The following MNAT1 variants were observed in gnomAD, a reference collection of about 807,000 sequenced individuals.
The protein encoded by MNAT1 is MNAT1 component of CDK activating kinase.
In MNAT1, 43 loss-of-function variants were observed where a neutral mutation model predicts 42.0. The ratio of observed to expected loss-of-function variants is 1.02; its 90% CI spans 0.80 to 1.32. MNAT1 has a LOEUF of 1.32. Among genes scored for constraint, MNAT1 ranks in the 40% most tolerant of loss-of-function variants. The probability of loss-of-function intolerance (pLI) is 0.00; values close to 1 mark genes in which losing one functional copy is unlikely to be tolerated. For synonymous variants in MNAT1, 118 were observed against 120.0 expected (o/e 0.98, Z 0.11); for missense variants, 306 against 350.4 (o/e 0.87, Z 1.01).
At chr14:60,889,052 C>A (rs2034763037) in intron 7 of MNAT1, among the ~76,000 whole-genome samples, 2 of 149,228 alleles carry the variant, frequency 1.3e-5, no homozygotes, top group East Asian at 2.0e-4. Flanking sequence ...CAATGCCATC[C>A]CCATCAAGCT....
intron 6 of MNAT1, among the ~76,000 whole-genome samples, chr14:60,846,704 T>G (rs572062856): frequency 6.6e-6 from 1 of 152,342 alleles, no homozygotes; most frequent in African/African-American, 2.4e-5. Flanking sequence ...CACTTTGGTT[T>G]GAGGGCATGC....
chr14:60,862,469 T>C (rs2034117821), intron 6 of MNAT1, among the ~76,000 whole-genome samples: 1 of 152,222 alleles, frequency 6.6e-6, no homozygotes, highest in Non-Finnish European at 1.5e-5. Context: ...TCCCCTTTTA[T>C]AATAAATCTC....
intron 6 of MNAT1, among the ~76,000 whole-genome samples, chr14:60,869,020 A>T (rs907298435): frequency 1.7e-4 from 19 of 110,340 alleles, no homozygotes; most frequent in Non-Finnish European, 3.3e-4. Context: ...GTGTTATTTT[A>T]TACATATATA....
rs750992125 is a variant in MNAT1 at position 60,796,305 on chromosome 14, G to A, written c.178G>A (p.Val60Ile). Residue 60 changes from valine (V) to isoleucine (I), a missense_variant, in exon 2 of 8, where the codon GTA (valine) becomes ATA (isoleucine). Around this residue, in one of 3 missense-constraint regions of MNAT1, gnomAD observed 72 missense variants for 111.0 expected, o/e 0.65. Transcript: ENST00000261245. ...TCCACTCAGAAAGAGCAACTTCAGGGTACAACTCTTTGAAGATCCCACTGT... is the reference window on the plus strand; with the variant it reads ...TCCACTCAGAAAGAGCAACTTCAGGATACAACTCTTTGAAGATCCCACTGT... ...GTPLRKSNFRVQLFEDPTVDK... is the reference protein window; with the variant it reads ...GTPLRKSNFRIQLFEDPTVDK... 6.2e-7 allele frequency: 1 copy of A among 1,613,614 alleles called. No individual in the cohort carries two copies. Among genetic ancestry groups the A allele is most frequent in the Non-Finnish European group, 8.5e-7 (1 of 1,179,762 alleles).
rs184562906 is a variant in MNAT1, at chr14:60,940,717, G to A, written c.810-27512G>A. 3.1e-3 allele frequency among the ~76,000 whole-genome samples: 474 copies of A among 151,940 alleles called. 4 individuals carry two copies. The highest frequency in any genetic ancestry group is 4.7e-3 in the Non-Finnish European group (321 of 67,858). Reference sequence around the variant, plus strand: ...CAGCCGTGAGCCACTGCACCTGGCCGTCTGTCTCAAAGCTTTCTTACTTAT... The same window carrying A: ...CAGCCGTGAGCCACTGCACCTGGCCATCTGTCTCAAAGCTTTCTTACTTAT... On this transcript the variant is annotated intron_variant, in intron 7 of 7. Coordinates refer to ENST00000261245, the MANE Select transcript of MNAT1 (RefSeq NM_002431.4).
chr14:60,941,134 G>GT (rs1273610791), intron 7 of MNAT1, among the ~76,000 whole-genome samples: 69 of 152,174 alleles, frequency 4.5e-4, no homozygotes, highest in African/African-American at 1.5e-3. Context: ...TGATTATGTG[G>GT]TATTTAAATA....
intron 6 of MNAT1, among the ~76,000 whole-genome samples, chr14:60,821,478 A>C (rs893699243): frequency 1.3e-5 from 2 of 152,198 alleles, no homozygotes; most frequent in Non-Finnish European, 2.9e-5. Flanking sequence ...TGAATCTTAC[A>C]TATTAGGCTC....
intron 6 of MNAT1, 55 bp from the exon 7 acceptor site, chr14:60,879,659 G>C: frequency 1.3e-6 from 2 of 1,484,416 alleles, no homozygotes; most frequent in Non-Finnish European, 1.8e-6. Flanking sequence ...TTATAAATAA[G>C]TAGCAATATG....
At chr14:60,866,379 GTTGAACTAAGTCAGTCATATAAT>G (rs1420605184) in intron 6 of MNAT1, among the ~76,000 whole-genome samples, 4 of 134,574 alleles carry the variant, frequency 3.0e-5, no homozygotes, top group Admixed American at 8.3e-5. Flanking sequence ...GTATAGCTGT[GTTGAACTAAGTCAGTCATATAAT>G]TTAGGACCCT....
At chr14:60,887,593 A>G (rs1054545479) in intron 7 of MNAT1, among the ~76,000 whole-genome samples, 2 of 151,934 alleles carry the variant, frequency 1.3e-5, no homozygotes, top group African/African-American at 2.4e-5. Flanking sequence ...ATAGTATTCC[A>G]TGGTGTAGCA....
chr14:60,918,552 T>G (rs1356554734), intron 7 of MNAT1, among the ~76,000 whole-genome samples: 9 of 151,884 alleles, frequency 5.9e-5, no homozygotes, highest in African/African-American at 1.9e-4. Context: ...AATACCTTTA[T>G]GTGGACACTT....
chr14:60,739,332 G>A (rs1196438958), intron 1 of MNAT1, among the ~76,000 whole-genome samples: 1 of 152,076 alleles, frequency 6.6e-6, no homozygotes, highest in Non-Finnish European at 1.5e-5. Context: ...AATACCAAGA[G>A]TGTGAATATC....
At chr14:60,904,458 C>T (rs1222395539) in intron 7 of MNAT1, among the ~76,000 whole-genome samples, 3 of 152,158 alleles carry the variant, frequency 2.0e-5, no homozygotes, top group African/African-American at 7.2e-5. Flanking sequence ...AAATTCTAAC[C>T]TGGCTCTAGT....
intron 6 of MNAT1, among the ~76,000 whole-genome samples, chr14:60,867,881 C>T (rs2034240823): frequency 6.6e-6 from 1 of 152,006 alleles, no homozygotes; most frequent in Admixed American, 6.6e-5. Flanking sequence ...TTACTGTTTA[C>T]TTTACATTTT....
At position 60,968,307 on chromosome 14, in the gene MNAT1, A is replaced by G. The variant is rs1454259969; in HGVS notation, c.888A>G (p.Ala296=). 1 of 1,613,854 alleles carries G rather than the reference A, an allele frequency of 6.2e-7. No individual in the cohort carries two copies. Among genetic ancestry groups the G allele is most frequent in the South Asian group, 1.1e-5 (1 of 91,052 alleles). Residue 296 remains alanine (A), a synonymous_variant, in exon 8 of 8, where the codon GCA becomes GCG. Coordinates refer to ENST00000261245, the MANE Select transcript of MNAT1 (RefSeq NM_002431.4). The stretch of plus-strand genomic sequence containing the variant: ...CTTCTTCTCTTGCTTGTCACAGAGC[A>G]CTACAGGATGCATTCAGTGGGCTTT... The part of the protein sequence containing the change: ...GYTSSLACHR[A]LQDAFSGLFW...
intron 1 of MNAT1, chr14:60,780,009 T>C: frequency 3.8e-6 from 6 of 1,563,722 alleles, no homozygotes; most frequent in Non-Finnish European, 5.3e-6. Context: ...GAGCAGGGAA[T>C]CACCCTGCGT....
intron 1 of MNAT1, among the ~76,000 whole-genome samples, chr14:60,764,877 T>A (rs1312614224): frequency 2.0e-5 from 3 of 151,974 alleles, no homozygotes; most frequent in African/African-American, 7.3e-5. Context: ...ATATAAAGGA[T>A]TGGAGATCTG....
chr14:60,760,208 G>A (rs1330189892), intron 1 of MNAT1, among the ~76,000 whole-genome samples: 2 of 151,818 alleles, frequency 1.3e-5, no homozygotes, highest in Non-Finnish European at 1.5e-5. Flanking sequence ...TTTTCAGTTA[G>A]TGGTAGATTT....
intron 7 of MNAT1, among the ~76,000 whole-genome samples, chr14:60,896,003 C>T (rs968143049): frequency 6.6e-6 from 1 of 151,998 alleles, no homozygotes. Context: ...TATTTTTGTT[C>T]TTTTATAAAA....
Sources: allele counts gnomAD v4.1 joint callset (sites outside exome capture counted in the v4.1 genomes callset), GRCh38; gene constraint gnomAD v4.1.1; regional missense constraint gnomAD v4.1.1; transcripts MANE v1.5; gene names NCBI Gene and HGNC (gene_info 2026-07-23, HGNC 2026-07-21).